DCAF1: variants seen among roughly 807,000 people sequenced by gnomAD.
DCAF1 encodes the protein DDB1- and CUL4-associated factor 1.
In DCAF1, 15 loss-of-function variants were observed where a neutral mutation model predicts 128.0. That is an observed-to-expected ratio of 0.12 (90% CI 0.08 to 0.18). The LOEUF (loss-of-function observed/expected upper bound fraction) is 0.18, where lower values mean the gene tolerates loss of function less well. DCAF1 is among the 10% of genes least tolerant of loss of function. The pLI is 1.00. For synonymous variants in DCAF1, 610 were observed against 603.0 expected (o/e 1.01, Z -0.17); for missense variants, 988 against 1,649.5 (o/e 0.60, Z 6.95).
chr3:51,446,859 G>A (rs1321245948), intron 6 of DCAF1, among the ~76,000 whole-genome samples: 1 of 150,838 alleles, frequency 6.6e-6, no homozygotes, highest in Non-Finnish European at 1.5e-5. Context: ...TACTCAGAAG[G>A]CTGAGGCAGG....
At chr3:51,408,000 A>AAAAC in intron 23 of DCAF1, among the ~76,000 whole-genome samples, 1 of 148,720 alleles carries the variant, frequency 6.7e-6, no homozygotes, top group Non-Finnish European at 1.5e-5. Flanking sequence ...AAAAAAAAAA[A>AAAAC]AAAAAAAAAC....
At chr3:51,421,550 C>T (rs1204119765) in intron 14 of DCAF1, among the ~76,000 whole-genome samples, 1 of 152,156 alleles carries the variant, frequency 6.6e-6, no homozygotes, top group Admixed American at 6.5e-5. Flanking sequence ...AGCCACTGTG[C>T]TCGACCTTTT....
intron 18 of DCAF1, among the ~76,000 whole-genome samples, chr3:51,415,880 G>A (rs536551618): frequency 2.0e-5 from 3 of 152,174 alleles, no homozygotes; most frequent in African/African-American, 7.2e-5. Flanking sequence ...CACTAAGTCT[G>A]GCCAGCTCCC....
intron 3 of DCAF1, among the ~76,000 whole-genome samples, chr3:51,478,644 T>C (rs1691084711): frequency 6.6e-6 from 1 of 152,100 alleles, no homozygotes; most frequent in Non-Finnish European, 1.5e-5. Flanking sequence ...GGTGTTTAAT[T>C]ATTCTTTTTT....
intron 2 of DCAF1, among the ~76,000 whole-genome samples, chr3:51,493,779 T>C (rs1384878141): frequency 6.6e-6 from 1 of 151,982 alleles, no homozygotes; most frequent in African/African-American, 2.4e-5. Flanking sequence ...GGGTGGATCA[T>C]GAGGTCAACA....
intron 2 of DCAF1, among the ~76,000 whole-genome samples, 54 bp downstream of exon 2, chr3:51,496,680 G>C (rs1407103986): frequency 6.6e-6 from 1 of 152,008 alleles, no homozygotes; most frequent in Non-Finnish European, 1.5e-5. Context: ...AGACCAGCTA[G>C]TACTAGGTAG....
At chr3:51,491,549 A>C (rs12492624) in intron 2 of DCAF1, among the ~76,000 whole-genome samples, 1 of 151,980 alleles carries the variant, frequency 6.6e-6, no homozygotes, top group East Asian at 1.9e-4. Flanking sequence ...GAAAAAAGTA[A>C]TTTCAATAAG....
At chr3:51,424,927 C>A (rs1269886843) in intron 13 of DCAF1, among the ~76,000 whole-genome samples, 2 of 152,070 alleles carry the variant, frequency 1.3e-5, no homozygotes, top group African/African-American at 2.4e-5. Flanking sequence ...CAACAACATG[C>A]CAATCCTGGT....
At chr3:51,467,294 T>C (rs1264907448) in intron 4 of DCAF1, among the ~76,000 whole-genome samples, 1 of 152,084 alleles carries the variant, frequency 6.6e-6, no homozygotes, top group African/African-American at 2.4e-5. Context: ...ATTGCACCAC[T>C]GCAATCCAGC....
chr3:51,414,093 T>C (rs1189124026), intron 19 of DCAF1, 50 bp from the exon 20 acceptor site: 2 of 1,509,442 alleles, frequency 1.3e-6, no homozygotes. Flanking sequence ...ACTTATCTAA[T>C]CTCATGGGAG....
intron 6 of DCAF1, among the ~76,000 whole-genome samples, chr3:51,449,668 T>C (rs1471840991): frequency 6.7e-6 from 1 of 149,830 alleles, no homozygotes; most frequent in African/African-American, 2.5e-5. Flanking sequence ...TGGGGAAAAA[T>C]GAAATAGAGA....
chr3:51,438,757 ATG>A (rs1237266381), intron 9 of DCAF1, among the ~76,000 whole-genome samples: 4 of 151,654 alleles, frequency 2.6e-5, no homozygotes, highest in Non-Finnish European at 5.9e-5. Context: ...GATTATAGGC[ATG>A]TGCCACCACA....
chr3:51,413,834 A>G, intron 20 of DCAF1, 116 bp downstream of exon 20: 1 of 1,233,304 alleles, frequency 8.1e-7, no homozygotes. Context: ...CTTTTATGTT[A>G]CAACTCTCAA....
intron 13 of DCAF1, among the ~76,000 whole-genome samples, chr3:51,425,522 T>C (rs1699825171): frequency 6.6e-6 from 1 of 151,014 alleles, no homozygotes; most frequent in Non-Finnish European, 1.5e-5. Flanking sequence ...TTAAAAAATG[T>C]ATTTATACCC....
chr3:51,485,106 G>A (rs1330762329), intron 2 of DCAF1, among the ~76,000 whole-genome samples: 1 of 151,936 alleles, frequency 6.6e-6, no homozygotes, highest in African/African-American at 2.4e-5. Flanking sequence ...GTAGAAACAG[G>A]GTTTCACCAT....
At chr3:51,490,280 G>A (rs2108509620) in intron 2 of DCAF1, among the ~76,000 whole-genome samples, 1 of 152,158 alleles carries the variant, frequency 6.6e-6, no homozygotes, top group Non-Finnish European at 1.5e-5. Flanking sequence ...AGCCAGGCAT[G>A]GTGTGCACCT....
In DCAF1 at chr3:51,414,863, GAGA is replaced by G. The variant is rs782368262; in HGVS notation, c.3604-9_3604-7del. ...CCAGTCTGAATATCATAAATCTTTA[GAGA>G]AGAAGGGATGGGAAGAGAAAAATCA... is the stretch of plus-strand genomic sequence containing the variant. On this transcript the variant is annotated splice_polypyrimidine_tract_variant and splice_region_variant and intron_variant, in intron 18 of 24. Transcript: ENST00000684031. 1.2e-6 allele frequency: 2 copies of G among 1,609,878 alleles called. No homozygotes were observed. The highest frequency in any genetic ancestry group is 8.5e-7 in the Non-Finnish European group (1 of 1,176,702).
chr3:51,449,846 A>G (rs1326575714), intron 6 of DCAF1, among the ~76,000 whole-genome samples: 1 of 152,222 alleles, frequency 6.6e-6, no homozygotes, highest in Non-Finnish European at 1.5e-5. Context: ...AAAAAGATTT[A>G]TAAGAGAATA....
chr3:51,400,145 G>C (rs2089546059), intron 24 of DCAF1, among the ~76,000 whole-genome samples: 1 of 152,222 alleles, frequency 6.6e-6, no homozygotes, highest in Non-Finnish European at 1.5e-5. Flanking sequence ...TGGCCTGACT[G>C]TATTGGTGAT....
Sources: allele counts gnomAD v4.1 joint callset (sites outside exome capture counted in the v4.1 genomes callset), GRCh38; gene constraint gnomAD v4.1.1; transcripts MANE v1.5; gene names NCBI Gene and HGNC (gene_info 2026-07-23, HGNC 2026-07-21).